SHLD1: variants seen among roughly 807,000 people sequenced by gnomAD.
SHLD1 encodes the protein RINN1-REV7-interacting novel NHEJ regulator 3.
SHLD1 carries 3 observed loss-of-function variants against 5.5 expected under a neutral mutation model. The observed-to-expected ratio is 0.54, with a 90% confidence interval of 0.25 to 1.40. The LOEUF is 1.40. Ranked by LOEUF, SHLD1 falls within the 40% of genes most tolerant of loss-of-function variation. The pLI is 0.15. For missense variants in SHLD1, 210 were observed against 244.4 expected (o/e 0.86, Z 0.94); for synonymous variants, 92 against 94.3 (o/e 0.98, Z 0.14).
rs1291193438 is a variant in SHLD1, at chr20:5,861,526, G to A, written c.179-1498G>A. 2.6e-5 allele frequency among the ~76,000 whole-genome samples: 4 copies of A among 152,222 alleles called. No individual in the cohort carries two copies. In the East Asian group the frequency reaches 5.8e-4, roughly 22 times the overall value. On this transcript the variant is annotated intron_variant, in intron 2 of 2. Transcript: ENST00000303142. ...TGCTTGTCCATGTGTAGGCCTGCGT[G>A]TGACTCAAAGAACACATGTCCATAT...
chr20:5,762,850 G>A lies in SHLD1; in HGVS notation c.-4-10012G>A, dbSNP rs575305340. On this transcript the variant is annotated intron_variant, in intron 1 of 2. Coordinates refer to ENST00000303142, the MANE Select transcript of SHLD1 (RefSeq NM_152504.4). Reference sequence around the variant, plus strand: ...TAGCCAGGTGTGGTAGTGCGCGCCTGTAGTCCCAGCTACTTGGGAGGCTGA... The same window carrying A: ...TAGCCAGGTGTGGTAGTGCGCGCCTATAGTCCCAGCTACTTGGGAGGCTGA... Among the ~76,000 whole-genome samples, 17 of 152,002 alleles carry A rather than the reference G, an allele frequency of 1.1e-4. No individual in the cohort carries two copies. In the South Asian group the frequency reaches 1.2e-3, roughly 11 times the overall value.
At chr20:5,762,052 G>T (rs180796384) in intron 1 of SHLD1, among the ~76,000 whole-genome samples, 38 of 151,446 alleles carry the variant, frequency 2.5e-4, no homozygotes, top group Non-Finnish European at 2.5e-4. Flanking sequence ...AGGAGTTCAA[G>T]ACCAGCCTGA....
chr20:5,771,530 C>G (rs2122237280), intron 1 of SHLD1, among the ~76,000 whole-genome samples: 1 of 152,216 alleles, frequency 6.6e-6, no homozygotes. Context: ...GCTATCAGAA[C>G]ACCTTTCTGT....
At position 5,772,881 on chromosome 20, in the gene SHLD1, G is replaced by A. The variant is rs982639450; in HGVS notation, c.16G>A (p.Ala6Thr). The change falls in exon 2 of 3, where the codon GCC (alanine) becomes ACC (threonine). Residue 6 changes from alanine to threonine, a missense_variant. By Grantham distance (58) the Ala-to-Thr change is moderately conservative (BLOSUM62 0). Transcript: ENST00000303142. ...TGGCAGGACTATGGCAGCCAGGGAC[G>A]CCACTTCAGGCAGCCTGTCAGAGGA... MAARD[A>T]TSGSLSEESS... 3.7e-5 allele frequency: 59 copies of A among 1,612,214 alleles called. No homozygotes were observed. Among genetic ancestry groups the A allele is most frequent in the East Asian group, 1.6e-4 (7 of 44,856 alleles).
chr20:5,851,759 G>A (rs182191342), intron 2 of SHLD1, among the ~76,000 whole-genome samples: 41 of 151,904 alleles, frequency 2.7e-4, no homozygotes, highest in African/African-American at 5.5e-4. Flanking sequence ...TGTCTGTCCC[G>A]TCTAAATCTC....
chr20:5,780,715 T>C (rs1042164958), intron 2 of SHLD1, among the ~76,000 whole-genome samples: 1 of 152,210 alleles, frequency 6.6e-6, no homozygotes, highest in Non-Finnish European at 1.5e-5. Flanking sequence ...CCAGCCAGGC[T>C]TTTTGAAGGG....
chr20:5,801,704 A>G (rs17286495), intron 2 of SHLD1, among the ~76,000 whole-genome samples: 30,408 of 152,172 alleles, frequency 0.2, 3,453 homozygotes, highest in Non-Finnish European at 0.25. Context: ...TCCTGAAGAT[A>G]TAGCAGGGAG....
intron 1 of SHLD1, among the ~76,000 whole-genome samples, chr20:5,755,715 G>A (rs768549439): frequency 3.4e-4 from 52 of 151,874 alleles, no homozygotes; most frequent in Middle Eastern, 3.4e-3. Context: ...ACGCACCACC[G>A]CGCCTGGCTA....
At chr20:5,795,359 A>C (rs1306341436) in intron 2 of SHLD1, among the ~76,000 whole-genome samples, 2 of 150,954 alleles carry the variant, frequency 1.3e-5, no homozygotes, top group African/African-American at 4.9e-5. Flanking sequence ...CATTTTGGGA[A>C]GCCAAGGTGG....
intron 2 of SHLD1, among the ~76,000 whole-genome samples, chr20:5,849,257 G>A (rs1250736521): frequency 6.6e-6 from 1 of 152,192 alleles, no homozygotes; most frequent in African/African-American, 2.4e-5. Context: ...ACCAGAAAGA[G>A]AACTCCAGCG....
At chr20:5,825,458 G>A (rs543301051) in intron 2 of SHLD1, among the ~76,000 whole-genome samples, 2 of 152,362 alleles carry the variant, frequency 1.3e-5, no homozygotes, top group Admixed American at 6.5e-5. Context: ...TGACTAGGGA[G>A]CATTTTCCCT....
intron 1 of SHLD1, among the ~76,000 whole-genome samples, chr20:5,769,801 C>G (rs949890529): frequency 2.1e-4 from 32 of 151,914 alleles, no homozygotes; most frequent in Admixed American, 3.9e-4. Context: ...GTCAGGGGTT[C>G]GAGACCAGCC....
At chr20:5,768,951 G>A (rs1440714720) in intron 1 of SHLD1, among the ~76,000 whole-genome samples, 7 of 149,852 alleles carry the variant, frequency 4.7e-5, no homozygotes, top group South Asian at 2.1e-4. Context: ...TCTCGTTTGG[G>A]CTGGAGTGCA....
Position 5,786,488 on chromosome 20 carries a change from T to C in SHLD1, c.178+13445T>C, listed in dbSNP as rs541425423. Among the ~76,000 whole-genome samples the C allele has an allele frequency of 7.9e-5, 12 of 152,198 alleles. No homozygotes were observed. In the East Asian group the frequency reaches 2.3e-3, roughly 29 times the overall value. ...TACTTAGGAGGCTGAGGTGGGAGGATTGCTTGAGCGCAGGAGGTTGGGGCT... is the reference window on the plus strand; with the variant it reads ...TACTTAGGAGGCTGAGGTGGGAGGACTGCTTGAGCGCAGGAGGTTGGGGCT... On this transcript the variant is annotated intron_variant, in intron 2 of 2. Coordinates refer to ENST00000303142, the MANE Select transcript of SHLD1 (RefSeq NM_152504.4).
intron 2 of SHLD1, among the ~76,000 whole-genome samples, chr20:5,788,181 G>T (rs2122294855): frequency 6.6e-6 from 1 of 152,168 alleles, no homozygotes; most frequent in Middle Eastern, 3.4e-3. Flanking sequence ...CATATTTTAA[G>T]TATGTGAGGT....
intron 1 of SHLD1, among the ~76,000 whole-genome samples, chr20:5,758,069 G>A (rs538570044): frequency 6.6e-6 from 1 of 152,120 alleles, no homozygotes; most frequent in South Asian, 2.1e-4. Flanking sequence ...GATGCATAGA[G>A]TGAATTGAGA....
chr20:5,798,773 G>A (rs1168430054), intron 2 of SHLD1, among the ~76,000 whole-genome samples: 2 of 150,088 alleles, frequency 1.3e-5, no homozygotes, highest in African/African-American at 2.5e-5. Context: ...ACCCACCACC[G>A]TGCCCGGCTA....
chr20:5,859,789 G>C (rs958713769), intron 2 of SHLD1, among the ~76,000 whole-genome samples: 5 of 152,198 alleles, frequency 3.3e-5, no homozygotes, highest in African/African-American at 1.2e-4. Context: ...TCTTCTGAAG[G>C]GGAAGGGTTG....
At chr20:5,788,994 C>T (rs1458921931) in intron 2 of SHLD1, among the ~76,000 whole-genome samples, 1 of 152,016 alleles carries the variant, frequency 6.6e-6, no homozygotes, top group African/African-American at 2.4e-5. Flanking sequence ...ATTATCTGGG[C>T]ATAGTGGCAC....
Sources: gnomAD v4.1 joint callset for allele counts (sites outside exome capture counted in the v4.1 genomes callset) on GRCh38, gnomAD v4.1.1 for gene constraint, MANE v1.5 for transcripts, NCBI Gene and HGNC (gene_info 2026-07-23, HGNC 2026-07-21) for gene names.